The following NAV2 variants were observed in gnomAD, a reference collection of about 807,000 sequenced individuals.
NAV2 encodes the protein neuron navigator 2.
Under a neutral mutation model 223.2 loss-of-function variants are expected in NAV2, and 54 were observed. The observed-to-expected ratio is 0.24, with a 90% confidence interval of 0.19 to 0.30. The LOEUF (loss-of-function observed/expected upper bound fraction) is 0.30. NAV2 is among the 10% of genes least tolerant of loss of function. NAV2 has a pLI of 1.00. For missense variants in NAV2, 2,806 were observed against 3,147.5 expected (o/e 0.89, Z 2.60); for synonymous variants, 1,279 against 1,239.3 (o/e 1.03, Z -0.67).
intron 1 of NAV2, among the ~76,000 whole-genome samples, chr11:19,389,738 T>A (rs1019682654): frequency 6.6e-6 from 1 of 152,242 alleles, no homozygotes; most frequent in Non-Finnish European, 1.5e-5. Flanking sequence ...GGTGCTTTAC[T>A]ATTTTAAACC....
chr11:19,814,906 C>T (rs116618874), intron 1 of NAV2, among the ~76,000 whole-genome samples: 3,662 of 152,302 alleles, frequency 0.024, 137 homozygotes, highest in African/African-American at 0.084. Context: ...TCTAACCCAA[C>T]TTCCTAGGCA....
At chr11:19,818,180 G>A (rs918694838) in intron 1 of NAV2, among the ~76,000 whole-genome samples, 3 of 150,598 alleles carry the variant, frequency 2.0e-5, no homozygotes, top group East Asian at 2.0e-4. Context: ...GGGTAAGGAG[G>A]GAAAATAATA....
intron 1 of NAV2, among the ~76,000 whole-genome samples, chr11:19,455,972 G>T (rs1249221215): frequency 6.6e-6 from 1 of 152,216 alleles, no homozygotes; most frequent in African/African-American, 2.4e-5. Context: ...GCCTGACCGT[G>T]CATATTCATG....
chr11:19,774,740 G>A (rs1248810391), intron 1 of NAV2, among the ~76,000 whole-genome samples: 1 of 152,128 alleles, frequency 6.6e-6, no homozygotes, highest in Non-Finnish European at 1.5e-5. Flanking sequence ...GAATACCTAT[G>A]ACCTAAGGTG....
chr11:19,890,177 A>C (rs2041381922), intron 5 of NAV2, among the ~76,000 whole-genome samples: 2 of 152,214 alleles, frequency 1.3e-5, no homozygotes, highest in African/African-American at 4.8e-5. Context: ...TCATTATTCC[A>C]AAGTTACAGG....
At chr11:20,103,171 G>A in intron 32 of NAV2, 84 bp from the exon 33 acceptor site, 1 of 1,359,520 alleles carries the variant, frequency 7.4e-7, no homozygotes, top group Non-Finnish European at 1.0e-6. Flanking sequence ...CCACTGGCCT[G>A]GGTGAGGCAA....
chr11:19,552,152 C>T (rs2044710844), intron 1 of NAV2, among the ~76,000 whole-genome samples: 1 of 152,148 alleles, frequency 6.6e-6, no homozygotes, highest in Admixed American at 6.5e-5. Context: ...CAGGACAGAG[C>T]CTCTTGGGGT....
At chr11:19,790,798 CT>C (rs1227313328) in intron 1 of NAV2, among the ~76,000 whole-genome samples, 1 of 152,144 alleles carries the variant, frequency 6.6e-6, no homozygotes, top group Non-Finnish European at 1.5e-5. Context: ...ACAGTTGTTC[CT>C]TTCTGTTTGC....
At chr11:20,092,668 T>C (rs1209893584) in intron 28 of NAV2, among the ~76,000 whole-genome samples, 2 of 152,188 alleles carry the variant, frequency 1.3e-5, no homozygotes, top group Non-Finnish European at 1.5e-5. Flanking sequence ...AGCTGAATGC[T>C]GTACACAAAC....
chr11:20,041,685 G>A (rs1323502947), intron 12 of NAV2, among the ~76,000 whole-genome samples: 2 of 152,312 alleles, frequency 1.3e-5, no homozygotes, highest in East Asian at 1.9e-4. Flanking sequence ...GTGCGAATAA[G>A]CTTTCCTGGC....
chr11:19,731,569 G>A (rs931078322), intron 1 of NAV2, among the ~76,000 whole-genome samples: 1 of 152,210 alleles, frequency 6.6e-6, no homozygotes, highest in African/African-American at 2.4e-5. Context: ...TGGGGGGATA[G>A]TTATTGAGGG....
At chr11:19,648,624 A>T (rs907291844) in intron 1 of NAV2, among the ~76,000 whole-genome samples, 1 of 152,174 alleles carries the variant, frequency 6.6e-6, no homozygotes, top group African/African-American at 2.4e-5. Flanking sequence ...CTGATCTGCC[A>T]AGTGAAAACA....
At chr11:19,767,222 G>A (rs368439444) in intron 1 of NAV2, among the ~76,000 whole-genome samples, 79 of 152,288 alleles carry the variant, frequency 5.2e-4, no homozygotes, top group African/African-American at 1.7e-3. Flanking sequence ...GGAATTTTAT[G>A]TCCTAGATCA....
At chr11:19,634,609 T>C (rs1394658257) in intron 1 of NAV2, among the ~76,000 whole-genome samples, 1 of 152,222 alleles carries the variant, frequency 6.6e-6, no homozygotes, top group Non-Finnish European at 1.5e-5. Flanking sequence ...ACTCAACTGC[T>C]ACTCTTGGAA....
At chr11:19,987,719 A>G (rs1341646081) in intron 11 of NAV2, among the ~76,000 whole-genome samples, 1 of 152,202 alleles carries the variant, frequency 6.6e-6, no homozygotes, top group African/African-American at 2.4e-5. Context: ...CTAAGAAATA[A>G]TAAATGAAGA....
chr11:19,845,999 A>C (rs1288117649), intron 3 of NAV2, among the ~76,000 whole-genome samples: 1 of 152,168 alleles, frequency 6.6e-6, no homozygotes, highest in Non-Finnish European at 1.5e-5. Flanking sequence ...CAATTAGAAG[A>C]ATAGACTATT....
chr11:19,801,568 T>C (rs1349186916), intron 1 of NAV2, among the ~76,000 whole-genome samples: 1 of 152,146 alleles, frequency 6.6e-6, no homozygotes, highest in East Asian at 1.9e-4. Flanking sequence ...AAAGTGGAAG[T>C]ATAGGGTCAG....
intron 10 of NAV2, among the ~76,000 whole-genome samples, chr11:19,971,777 C>T (rs1274152150): frequency 6.6e-6 from 1 of 152,214 alleles, no homozygotes; most frequent in African/African-American, 2.4e-5. Context: ...GATCTTGGCT[C>T]ATGCAACCTC....
intron 1 of NAV2, among the ~76,000 whole-genome samples, chr11:19,585,677 T>A (rs185832757): frequency 6.6e-6 from 1 of 152,350 alleles, no homozygotes; most frequent in East Asian, 1.9e-4. Flanking sequence ...GGTTGAAAAT[T>A]CTTTTCTTTA....
Sources: gnomAD v4.1 joint callset for allele counts (sites outside exome capture counted in the v4.1 genomes callset) on GRCh38, gnomAD v4.1.1 for gene constraint, MANE v1.5 for transcripts, NCBI Gene and HGNC (gene_info 2026-07-23, HGNC 2026-07-21) for gene names.